The following DKK3 variants were observed in gnomAD, a reference collection of about 807,000 sequenced individuals.
DKK3 encodes the protein dickkopf-related protein 3.
In DKK3, 22 loss-of-function variants were observed where a neutral mutation model predicts 33.2. The observed-to-expected ratio is 0.66, with a 90% CI of 0.47 to 0.95. The LOEUF is 0.95. DKK3 is among the 40% of genes least tolerant of loss of function. The probability of loss-of-function intolerance (pLI) is 0.00; values close to 1 mark genes in which losing one functional copy is unlikely to be tolerated. For synonymous variants in DKK3, 194 were observed against 188.8 expected (o/e 1.03, Z -0.23); for missense variants, 398 against 458.4 (o/e 0.87, Z 1.20).
At chr11:11,971,737 AT>A (rs1244571943) in intron 3 of DKK3, among the ~76,000 whole-genome samples, 1 of 152,148 alleles carries the variant, frequency 6.6e-6, no homozygotes, top group Non-Finnish European at 1.5e-5. Context: ...AGACGGGTGC[AT>A]TTTCATCCTT....
chr11:11,968,667 G>C, intron 3 of DKK3, 180 bp from the exon 4 acceptor site: 1 of 530,290 alleles, frequency 1.9e-6, no homozygotes, highest in South Asian at 2.6e-5. Flanking sequence ...CTGCCCTTCA[G>C]CATCTCCATG....
intron 3 of DKK3, among the ~76,000 whole-genome samples, chr11:11,991,537 T>C (rs1311093825): frequency 6.6e-6 from 1 of 151,984 alleles, no homozygotes; most frequent in Non-Finnish European, 1.5e-5. Context: ...TTGGGCAATA[T>C]AGTGAGACAC....
chr11:11,998,771 G>A lies in DKK3; in HGVS notation c.360C>T (p.Asn120=). The A allele has an allele frequency of 6.2e-7, 1 of 1,613,888 alleles. No homozygotes were observed. The part of the protein sequence containing the change: ...HVHREIHKIT[N]NQTGQMVFSE... ...AAAAGACCATTTGTCCAGTCTGGTT[G>A]TTGGTTATCTACAGTAAAACAGGTA... The change falls in exon 3 of 7, where the codon AAC becomes AAT. Residue 120 remains asparagine, a synonymous_variant. Transcript: ENST00000683431.
intron 4 of DKK3, among the ~76,000 whole-genome samples, chr11:11,967,334 T>C (rs1378701224): frequency 1.3e-5 from 2 of 152,200 alleles, no homozygotes; most frequent in Non-Finnish European, 2.9e-5. Flanking sequence ...ATCTGAGTCT[T>C]TCTCCACAGC....
chr11:11,970,278 A>AAG (rs1282353860), intron 3 of DKK3, among the ~76,000 whole-genome samples: 1 of 152,186 alleles, frequency 6.6e-6, no homozygotes, highest in Admixed American at 6.5e-5. Flanking sequence ...CAATTGGAAA[A>AAG]AGAGAGAGAG....
chr11:11,979,416 T>C (rs180949753), intron 3 of DKK3, among the ~76,000 whole-genome samples: 1 of 152,274 alleles, frequency 6.6e-6, no homozygotes, highest in African/African-American at 2.4e-5. Context: ...GAGAAATGCT[T>C]CCGGTCACAG....
intron 3 of DKK3, among the ~76,000 whole-genome samples, chr11:11,972,786 G>A (rs1590507119): frequency 6.6e-6 from 1 of 152,326 alleles, no homozygotes; most frequent in Middle Eastern, 3.4e-3. Context: ...TTGAGCCAAG[G>A]TGTTAAAGGG....
chr11:11,976,866 G>A (rs1283833024), intron 3 of DKK3, among the ~76,000 whole-genome samples: 1 of 152,168 alleles, frequency 6.6e-6, no homozygotes, highest in African/African-American at 2.4e-5. Context: ...AGTCGCAGGA[G>A]CCTGTAAGAT....
At chr11:11,978,511 CTTCTTTT>C (rs1847887917) in intron 3 of DKK3, among the ~76,000 whole-genome samples, 1 of 142,108 alleles carries the variant, frequency 7.0e-6, no homozygotes, top group South Asian at 2.2e-4. Flanking sequence ...TTTCTTCTTT[CTTCTTTT>C]TTTTATCGTT....
At chr11:11,999,070 G>A (rs1453433218) in intron 2 of DKK3, among the ~76,000 whole-genome samples, 2 of 152,144 alleles carry the variant, frequency 1.3e-5, no homozygotes, top group African/African-American at 2.4e-5. Flanking sequence ...CCAGCAAAAC[G>A]CTCAAAGATG....
At chr11:11,967,181 T>G in intron 4 of DKK3, 83 bp from the exon 5 acceptor site, 1 of 1,498,302 alleles carries the variant, frequency 6.7e-7, no homozygotes, top group Non-Finnish European at 9.0e-7. Context: ...ATACCACAGA[T>G]AGGCCAACCT....
chr11:11,986,537 G>T (rs1244050261), intron 3 of DKK3, among the ~76,000 whole-genome samples: 2 of 152,068 alleles, frequency 1.3e-5, no homozygotes, highest in Non-Finnish European at 2.9e-5. Context: ...TGTGATGTTG[G>T]TTTTCCATCT....
chr11:11,982,971 A>G (rs1036337319), intron 3 of DKK3, among the ~76,000 whole-genome samples: 6 of 152,120 alleles, frequency 3.9e-5, no homozygotes, highest in African/African-American at 1.4e-4. Context: ...GATGCAGGGG[A>G]TGAGGGCTAG....
chr11:11,994,593 A>T (rs576987415), intron 3 of DKK3: 1 of 152,114 alleles, frequency 6.6e-6, no homozygotes, highest in African/African-American at 2.4e-5. Flanking sequence ...TAAAATCATA[A>T]GCCCCCAGCG....
chr11:11,993,921 G>A (rs562790831), intron 3 of DKK3, among the ~76,000 whole-genome samples: 6 of 152,198 alleles, frequency 3.9e-5, no homozygotes, highest in South Asian at 4.2e-4. Context: ...TCCCCTGGTC[G>A]TTCATTTTGA....
At chr11:11,991,340 T>C (rs562246276) in intron 3 of DKK3, among the ~76,000 whole-genome samples, 7 of 152,336 alleles carry the variant, frequency 4.6e-5, no homozygotes, top group Admixed American at 3.9e-4. Context: ...AGGTGGGACC[T>C]AGCAGAAGGT....
intron 3 of DKK3, among the ~76,000 whole-genome samples, chr11:11,972,070 TC>T (rs1242298511): frequency 1.3e-5 from 2 of 152,170 alleles, no homozygotes; most frequent in African/African-American, 2.4e-5. Flanking sequence ...ACTAGAGACT[TC>T]CGGACTCCAA....
At chr11:11,980,685 C>G (rs1288632152) in intron 3 of DKK3, among the ~76,000 whole-genome samples, 1 of 152,108 alleles carries the variant, frequency 6.6e-6, no homozygotes, top group East Asian at 1.9e-4. Flanking sequence ...TGGGTGCTCC[C>G]CAGTCCTGAG....
chr11:11,973,152 C>G (rs1424158317), intron 3 of DKK3, among the ~76,000 whole-genome samples: 1 of 152,220 alleles, frequency 6.6e-6, no homozygotes, highest in African/African-American at 2.4e-5. Context: ...GATAGGACCA[C>G]TAGTGCCCGC....
Sources: gnomAD v4.1 joint callset for allele counts (sites outside exome capture counted in the v4.1 genomes callset) on GRCh38, gnomAD v4.1.1 for gene constraint, MANE v1.5 for transcripts, NCBI Gene and HGNC (gene_info 2026-07-23, HGNC 2026-07-21) for gene names.